The following ATXN1 variants were observed in gnomAD, a reference collection of about 807,000 sequenced individuals.
The protein encoded by ATXN1 is ataxin-1.
In ATXN1, 8 loss-of-function variants were observed where a neutral mutation model predicts 56.4. The observed-to-expected ratio is 0.14, with a 90% CI of 0.08 to 0.26. ATXN1 has a LOEUF of 0.26. Among genes scored for constraint, ATXN1 ranks in the 10% least tolerant of loss-of-function variants. The pLI, the probability that ATXN1 is intolerant of heterozygous loss-of-function variation, is 1.00. For missense variants in ATXN1, 987 were observed against 1,106.5 expected (o/e 0.89, Z 1.53); for synonymous variants, 514 against 494.6 (o/e 1.04, Z -0.52).
rs913902995 is a variant in ATXN1 at position 16,302,328 on chromosome 6, A to C, written c.*4001T>G. 5 of 152,418 alleles carry C rather than the reference A, an allele frequency of 3.3e-5. No individual in the cohort carries two copies. The highest frequency in any genetic ancestry group is 1.2e-4 in the African/African-American group (5 of 41,450). The allele number at this position is 152,418 out of a possible 1,614,324, so 9.4% of individuals were successfully genotyped here. A position where few individuals can be genotyped will look rare whatever the true frequency, so the allele number is the denominator to read the frequency against. ...GGAAAAAACCCAACACACTCACCTAACAGAAAACATAGAGGCTCACAATTC... is the reference window on the plus strand; with the variant it reads ...GGAAAAAACCCAACACACTCACCTACCAGAAAACATAGAGGCTCACAATTC... On this transcript the variant is annotated 3_prime_UTR_variant, in exon 8 of 8. Transcript: ENST00000436367.
chr6:16,333,427 G>A (rs1761035953), intron 6 of ATXN1, among the ~76,000 whole-genome samples: 1 of 152,166 alleles, frequency 6.6e-6, no homozygotes, highest in Non-Finnish European at 1.5e-5. Context: ...TAGGGATGTG[G>A]GGAATATATG....
chr6:16,585,793 T>G lies in ATXN1; in HGVS notation c.-374A>C, dbSNP rs1017230796. 1 of 152,230 alleles carries G rather than the reference T, an allele frequency of 6.6e-6. No individual in the cohort carries two copies. Among genetic ancestry groups the G allele is most frequent in the African/African-American group, 2.4e-5 (1 of 41,460 alleles). 9.4% of individuals were successfully genotyped at this position (152,230 alleles called of 1,614,324 possible). ...GGAGATGTTTACCTGTACCATGTGC[T>G]TTCATCACAATGGAGAACCATAAGC... On this transcript the variant is annotated 5_prime_UTR_variant, in exon 4 of 8. Coordinates refer to ENST00000436367, the MANE Select transcript of ATXN1 (RefSeq NM_001128164.2).
At chr6:16,542,219 A>G (rs1019386385) in intron 4 of ATXN1, among the ~76,000 whole-genome samples, 8 of 152,162 alleles carry the variant, frequency 5.3e-5, no homozygotes, top group Non-Finnish European at 1.0e-4. Flanking sequence ...CCAGGCTTCC[A>G]ATGGGTTCTC....
rs569747017 is a variant in ATXN1 at position 16,633,139 on chromosome 6, T to G, written c.-489+24637A>C. ...TGCTACGCATTGTTACAGTCTGTTA[T>G]TGATATATGGTCATTTTGTTATAAA... On this transcript the variant is annotated intron_variant, in intron 3 of 7. Coordinates refer to ENST00000436367, the MANE Select transcript of ATXN1 (RefSeq NM_001128164.2). Among the ~76,000 whole-genome samples the G allele has an allele frequency of 2.0e-5, 3 of 152,358 alleles. No individual in the cohort carries two copies. The East Asian group carries it at 5.8e-4, about 29-fold the overall frequency.
At chr6:16,438,989 A>G (rs925359957) in intron 6 of ATXN1, among the ~76,000 whole-genome samples, 3 of 152,140 alleles carry the variant, frequency 2.0e-5, no homozygotes, top group Admixed American at 2.0e-4. Context: ...ATAGAATTTA[A>G]TAAGGAAAGC....
chr6:16,529,201 G>GTTTTT (rs1231700488), intron 4 of ATXN1, among the ~76,000 whole-genome samples: 3 of 143,246 alleles, frequency 2.1e-5, no homozygotes, highest in Admixed American at 6.9e-5. Context: ...CTTTGTCAGG[G>GTTTTT]TTTTTTGTTT....
chr6:16,552,186 G>T (rs1355393378), intron 4 of ATXN1, among the ~76,000 whole-genome samples: 1 of 152,170 alleles, frequency 6.6e-6, no homozygotes, highest in Non-Finnish European at 1.5e-5. Flanking sequence ...AACAATTAAA[G>T]TCCAGAATAA....
chr6:16,547,539 G>A (rs1761836336), intron 4 of ATXN1, among the ~76,000 whole-genome samples: 1 of 152,120 alleles, frequency 6.6e-6, no homozygotes, highest in African/African-American at 2.4e-5. Flanking sequence ...ACCACAGACT[G>A]GGGGGCTTCA....
intron 2 of ATXN1, among the ~76,000 whole-genome samples, chr6:16,682,571 T>C (rs965009257): frequency 6.6e-6 from 1 of 152,126 alleles, no homozygotes; most frequent in Admixed American, 6.5e-5. Flanking sequence ...AGAACACTAA[T>C]AGAAGAAAAA....
chr6:16,553,702 C>G (rs1002885689), intron 4 of ATXN1, among the ~76,000 whole-genome samples: 1 of 152,200 alleles, frequency 6.6e-6, no homozygotes. Flanking sequence ...ATACCACTGT[C>G]TGTTACCGCA....
chr6:16,619,822 C>T (rs1295884328), intron 3 of ATXN1, among the ~76,000 whole-genome samples: 1 of 150,846 alleles, frequency 6.6e-6, no homozygotes, highest in Non-Finnish European at 1.5e-5. Context: ...GGGCAAGGAT[C>T]GCTTGAGCCC....
chr6:16,425,140 A>C (rs950234969), intron 6 of ATXN1, among the ~76,000 whole-genome samples: 1 of 152,242 alleles, frequency 6.6e-6, no homozygotes, highest in Non-Finnish European at 1.5e-5. Flanking sequence ...TTTAAAGTGC[A>C]CAGATGCCTG....
intron 6 of ATXN1, among the ~76,000 whole-genome samples, chr6:16,465,465 A>C (rs954275758): frequency 1.3e-5 from 2 of 152,166 alleles, no homozygotes; most frequent in Admixed American, 1.3e-4. Context: ...TTCCAAAAAC[A>C]AAACAAAACA....
chr6:16,363,435 A>G (rs1414640848), intron 6 of ATXN1, among the ~76,000 whole-genome samples: 2 of 152,248 alleles, frequency 1.3e-5, no homozygotes, highest in African/African-American at 4.8e-5. Context: ...ACTGAAGGAC[A>G]AAACAAAATT....
chr6:16,335,836 C>T (rs1395910983), intron 6 of ATXN1, among the ~76,000 whole-genome samples: 1 of 152,200 alleles, frequency 6.6e-6, no homozygotes, highest in Non-Finnish European at 1.5e-5. Context: ...TGGAATGACG[C>T]AGTCCCAAGC....
At chr6:16,363,764 G>T (rs1761861163) in intron 6 of ATXN1, among the ~76,000 whole-genome samples, 1 of 152,172 alleles carries the variant, frequency 6.6e-6, no homozygotes, top group Admixed American at 6.5e-5. Context: ...ACTTGGAGTG[G>T]CAGGTGGGGT....
chr6:16,372,683 G>A (rs1762064644), intron 6 of ATXN1, among the ~76,000 whole-genome samples: 2 of 152,174 alleles, frequency 1.3e-5, no homozygotes, highest in Admixed American at 1.3e-4. Flanking sequence ...GGAGTCTGAG[G>A]CAGAAGGATC....
chr6:16,600,584 C>A (rs1332427854), intron 3 of ATXN1, among the ~76,000 whole-genome samples: 1 of 152,184 alleles, frequency 6.6e-6, no homozygotes, highest in South Asian at 2.1e-4. Flanking sequence ...GATTATTCTT[C>A]TAAGGTTCAA....
rs56073887 is a variant in ATXN1, at chr6:16,496,572, C to T, written c.-298-10463G>A. ...ACACTGCATCATGAAGGACCCTGTA[C>T]TCCACTTGCTGCAATTTCAATGCAA... is the stretch of plus-strand genomic sequence containing the variant. On this transcript the variant is annotated intron_variant, in intron 5 of 7. Transcript: ENST00000436367. Among the ~76,000 whole-genome samples the T allele has an allele frequency of 1.0e-3, 158 of 152,178 alleles. 1 individual carries two copies. The highest frequency in any genetic ancestry group is 3.2e-3 in the African/African-American group (134 of 41,524).
Sources: allele counts gnomAD v4.1 joint callset (sites outside exome capture counted in the v4.1 genomes callset), GRCh38; gene constraint gnomAD v4.1.1; transcripts MANE v1.5; gene names NCBI Gene and HGNC (gene_info 2026-07-23, HGNC 2026-07-21).